SPACA7: variants seen among roughly 807,000 people sequenced by gnomAD.
SPACA7 encodes sperm acrosome-associated protein 7.
A neutral mutation model predicts 26.3 loss-of-function variants in SPACA7; 19 were observed. The ratio of observed to expected loss-of-function variants is 0.72; its 90% CI spans 0.50 to 1.06. The LOEUF is 1.06. Ranked by LOEUF, SPACA7 falls within the 50% of genes least tolerant of loss-of-function variation. SPACA7 has a pLI of 0.00. For synonymous variants in SPACA7, 84 were observed against 84.5 expected (o/e 0.99, Z 0.04); for missense variants, 211 against 229.9 (o/e 0.92, Z 0.53).
At chr13:112,422,130 A>T (rs1022463614) in intron 5 of SPACA7, among the ~76,000 whole-genome samples, 2 of 152,200 alleles carry the variant, frequency 1.3e-5, no homozygotes, top group Non-Finnish European at 2.9e-5. Flanking sequence ...AGAAAGAAGA[A>T]AATTGAAGTG....
At chr13:112,418,574 G>A (rs1321100084) in intron 5 of SPACA7, among the ~76,000 whole-genome samples, 1 of 152,198 alleles carries the variant, frequency 6.6e-6, no homozygotes, top group Non-Finnish European at 1.5e-5. Context: ...CTCATCTGGT[G>A]ACACTTTGGG....
At chr13:112,409,746 G>A (rs1007607136) in intron 5 of SPACA7, among the ~76,000 whole-genome samples, 4 of 152,184 alleles carry the variant, frequency 2.6e-5, no homozygotes, top group Non-Finnish European at 5.9e-5. Flanking sequence ...GGAGAAATAG[G>A]AACACTTTTA....
At chr13:112,401,567 C>A (rs112926025) in intron 5 of SPACA7, among the ~76,000 whole-genome samples, 1 of 152,102 alleles carries the variant, frequency 6.6e-6, no homozygotes, top group South Asian at 2.1e-4. Flanking sequence ...CTTTTGACTA[C>A]GTTTATAATT....
At chr13:112,429,968 T>TGTGTAC (rs1332916815) in intron 5 of SPACA7, among the ~76,000 whole-genome samples, 1 of 152,230 alleles carries the variant, frequency 6.6e-6, no homozygotes, top group Non-Finnish European at 1.5e-5. Context: ...AATGTAATTC[T>TGTGTAC]GTGTACTCAA....
intron 5 of SPACA7, among the ~76,000 whole-genome samples, chr13:112,430,545 G>A (rs1194844040): frequency 6.6e-6 from 1 of 152,122 alleles, no homozygotes; most frequent in Non-Finnish European, 1.5e-5. Flanking sequence ...TGGTTCCATT[G>A]AGAATCCTGG....
chr13:112,382,497 T>G (rs1884142736), intron 1 of SPACA7: 2 of 1,550,374 alleles, frequency 1.3e-6, no homozygotes, highest in African/African-American at 2.7e-5. Flanking sequence ...GGAATGGGAA[T>G]GAACCCCAAG....
chr13:112,396,068 G>A (rs1290856344), intron 2 of SPACA7, among the ~76,000 whole-genome samples: 2 of 136,906 alleles, frequency 1.5e-5, no homozygotes, highest in Non-Finnish European at 3.4e-5. Context: ...GAGCAGGAAC[G>A]CGCCTCCTCA....
At chr13:112,422,796 C>T in intron 5 of SPACA7, among the ~76,000 whole-genome samples, 1 of 152,186 alleles carries the variant, frequency 6.6e-6, no homozygotes, top group East Asian at 1.9e-4. Context: ...TTGCTTTTTA[C>T]ATAAACATGC....
chr13:112,383,125 G>A (rs1467892261), intron 1 of SPACA7, among the ~76,000 whole-genome samples: 7 of 4,254 alleles, frequency 1.6e-3, no homozygotes, highest in Non-Finnish European at 3.0e-3. Flanking sequence ...GAAAAGAAAA[G>A]AAAGAAAGAA....
At position 112,399,080 on chromosome 13, in the gene SPACA7, G is replaced by A. The variant is rs376731254; in HGVS notation, c.256G>A (p.Glu86Lys). The change falls in exon 4 of 7, where the codon GAG (glutamate) becomes AAG (lysine). Residue 86 changes from glutamate to lysine, a missense_variant. Physicochemically the swap from Glu to Lys is moderately conservative, Grantham distance 56. Coordinates refer to ENST00000283550, the MANE Select transcript of SPACA7 (RefSeq NM_145248.5). ...LSTPLHAGID[E>K]NYQAGGSENY... ...CTTCATTGAAGATGCTGGTATTGAT[G>A]AGAATTATCAAGCTGGTGGTTCTGA... 1.5e-4 allele frequency: 243 copies of A among 1,605,608 alleles called. No homozygotes were observed. The highest frequency in any genetic ancestry group is 1.0e-4 in the Non-Finnish European group (123 of 1,173,260).
intron 6 of SPACA7, among the ~76,000 whole-genome samples, chr13:112,432,927 G>A (rs1424322216): frequency 5.3e-5 from 8 of 152,256 alleles, no homozygotes; most frequent in South Asian, 2.1e-4. Context: ...CCACCCTCTC[G>A]TGGGGTGGGG....
At chr13:112,389,778 G>T (rs570479964) in intron 1 of SPACA7, among the ~76,000 whole-genome samples, 4 of 152,276 alleles carry the variant, frequency 2.6e-5, no homozygotes, top group Admixed American at 2.6e-4. Flanking sequence ...AAACTCACTG[G>T]TTTATCTCCA....
intron 5 of SPACA7, among the ~76,000 whole-genome samples, chr13:112,412,086 C>T (rs1050850341): frequency 1.3e-5 from 2 of 152,054 alleles, no homozygotes; most frequent in African/African-American, 2.4e-5. Context: ...ACAAGGATTC[C>T]CCCTTTTTCC....
At chr13:112,401,316 C>T in intron 5 of SPACA7, 152 bp downstream of exon 5, 1 of 608,218 alleles carries the variant, frequency 1.6e-6, no homozygotes, top group African/African-American at 1.8e-5. Flanking sequence ...TTCAGTACTG[C>T]TTTTGTTTGC....
chr13:112,394,913 A>C (rs902395469), intron 2 of SPACA7, among the ~76,000 whole-genome samples: 4 of 152,200 alleles, frequency 2.6e-5, no homozygotes, highest in Admixed American at 2.6e-4. Context: ...AGGAAGCAGC[A>C]GCTCTTACCC....
intron 1 of SPACA7, among the ~76,000 whole-genome samples, chr13:112,392,797 C>T (rs1175600283): frequency 2.0e-5 from 3 of 152,114 alleles, no homozygotes; most frequent in Non-Finnish European, 4.4e-5. Context: ...CTCACAGCCA[C>T]CCCGGAGGTG....
chr13:112,394,031 T>C (rs1476798533), intron 2 of SPACA7, among the ~76,000 whole-genome samples: 2 of 152,188 alleles, frequency 1.3e-5, no homozygotes, highest in Non-Finnish European at 1.5e-5. Context: ...AATAATATTT[T>C]ATTTCACGTG....
rs55707686 is a variant in SPACA7, at chr13:112,434,204, T to C, written c.524-281T>C. On this transcript the variant is annotated intron_variant, in intron 6 of 6. Coordinates refer to ENST00000283550, the MANE Select transcript of SPACA7 (RefSeq NM_145248.5). Reference sequence around the variant, plus strand: ...ATGAGGGGAGGAGGAGGAGGACCAGTCCAGCTCCGCCAGGCTTGGAGTTGT... The same window carrying C: ...ATGAGGGGAGGAGGAGGAGGACCAGCCCAGCTCCGCCAGGCTTGGAGTTGT... Among the ~76,000 whole-genome samples, 395 of 152,182 alleles carry C rather than the reference T, an allele frequency of 2.6e-3. 1 individual carries two copies. Among genetic ancestry groups the C allele is most frequent in the Middle Eastern group, 0.02 (6 of 294 alleles).
At chr13:112,434,218 G>C (rs1474834550) in intron 6 of SPACA7, among the ~76,000 whole-genome samples, 5 of 152,168 alleles carry the variant, frequency 3.3e-5, no homozygotes, top group African/African-American at 1.2e-4. Context: ...GCTCCGCCAG[G>C]CTTGGAGTTG....
Sources: gnomAD v4.1 joint callset for allele counts (sites outside exome capture counted in the v4.1 genomes callset) on GRCh38, gnomAD v4.1.1 for gene constraint, MANE v1.5 for transcripts, NCBI Gene and HGNC (gene_info 2026-07-23, HGNC 2026-07-21) for gene names.